POC1B: variants seen among roughly 807,000 people sequenced by gnomAD.
POC1B encodes the protein POC1 centriolar protein homolog B.
A neutral mutation model predicts 60.6 loss-of-function variants in POC1B; 44 were observed. That is an observed-to-expected ratio of 0.73 (90% CI 0.57 to 0.93). The LOEUF is 0.93. POC1B is among the 40% of genes least tolerant of loss of function. The pLI is 0.00. For synonymous variants in POC1B, 180 were observed against 198.9 expected, an observed-to-expected ratio of 0.90 and a Z score of 0.80; for missense variants, 555 against 572.3, an observed-to-expected ratio of 0.97 and a Z score of 0.31.
chr12:89,501,534 G>A (rs1258770600), intron 2 of POC1B: 2 of 1,108,018 alleles, frequency 1.8e-6, no homozygotes, highest in Non-Finnish European at 2.6e-6. Context: ...CCAAAATACA[G>A]ATGCCACCTG....
At chr12:89,477,836 G>A (rs10858871) in intron 4 of POC1B, among the ~76,000 whole-genome samples, 29,171 of 151,928 alleles carry the variant, frequency 0.19, 3,232 homozygotes, top group South Asian at 0.36. Flanking sequence ...ATCCTCCTGC[G>A]TCTTCATCTT....
chr12:89,480,595 A>ATTTTT (rs765505677), intron 4 of POC1B, among the ~76,000 whole-genome samples: 8 of 69,876 alleles, frequency 1.1e-4, no homozygotes, highest in South Asian at 5.5e-4. Flanking sequence ...TAATTTTTGT[A>ATTTTT]TTTTTTTTTT....
chr12:89,433,433 T>C (rs1010660849), intron 10 of POC1B, among the ~76,000 whole-genome samples: 4 of 152,178 alleles, frequency 2.6e-5, no homozygotes, highest in African/African-American at 9.7e-5. Context: ...CCAAGATGGC[T>C]GTCTAGTCAA....
At chr12:89,466,983 A>AT in intron 8 of POC1B, 61 bp from the exon 9 acceptor site, 1 of 1,436,912 alleles carries the variant, frequency 7.0e-7, no homozygotes, top group East Asian at 2.3e-5. Flanking sequence ...AATAGAGCTG[A>AT]TTTTAAAACC....
chr12:89,472,748 C>T (rs890528668), intron 4 of POC1B: 1 of 153,798 alleles, frequency 6.5e-6, no homozygotes, highest in African/African-American at 2.4e-5. Context: ...AATTAAGTGA[C>T]ATCACCAACA....
chr12:89,410,778 A>C, the POC1B span, among the ~76,000 whole-genome samples: 5 of 152,230 alleles, frequency 3.3e-5, no homozygotes, highest in Non-Finnish European at 5.9e-5. Context: ...CAAGGCAATC[A>C]GTCAAGAGAA....
the POC1B span, among the ~76,000 whole-genome samples, chr12:89,412,767 G>A: frequency 2.0e-5 from 3 of 151,974 alleles, 1 homozygote; most frequent in South Asian, 6.2e-4. Flanking sequence ...CCATGTCTTG[G>A]TTTCGAGTTC....
intron 4 of POC1B, among the ~76,000 whole-genome samples, chr12:89,476,015 T>G (rs1256394494): frequency 7.0e-6 from 1 of 143,518 alleles, no homozygotes; most frequent in Non-Finnish European, 1.5e-5. Context: ...CAGGTGATCA[T>G]CCCACCTTAG....
intron 4 of POC1B, among the ~76,000 whole-genome samples, chr12:89,476,821 T>A (rs936148598): frequency 6.6e-6 from 1 of 152,022 alleles, no homozygotes; most frequent in Admixed American, 6.6e-5. Flanking sequence ...CTATTTCTTA[T>A]CTTCAGAATA....
At chr12:89,475,820 C>T (rs78963456) in intron 4 of POC1B, among the ~76,000 whole-genome samples, 2,291 of 150,936 alleles carry the variant, frequency 0.015, 49 homozygotes, top group Middle Eastern at 0.048. Context: ...CATGGACATT[C>T]GAGAGTTTAA....
intron 10 of POC1B, among the ~76,000 whole-genome samples, chr12:89,442,403 T>C (rs1035244410): frequency 1.3e-5 from 2 of 152,216 alleles, no homozygotes; most frequent in African/African-American, 4.8e-5. Context: ...GAACAGCAGA[T>C]GTCTCGGCAG....
chr12:89,525,527 C>T (rs1871385665), intron 1 of POC1B: 1 of 1,298,396 alleles, frequency 7.7e-7, no homozygotes, highest in South Asian at 2.4e-5. Context: ...CAGGCAGGTG[C>T]GAGGATGCGC....
chr12:89,514,729 T>C (rs528978100), intron 2 of POC1B, among the ~76,000 whole-genome samples: 1 of 152,008 alleles, frequency 6.6e-6, no homozygotes, highest in African/African-American at 2.4e-5. Context: ...TTTATTGCAG[T>C]AGGAGAACAG....
intron 10 of POC1B, among the ~76,000 whole-genome samples, chr12:89,444,469 G>A (rs539939697): frequency 7.2e-5 from 11 of 152,188 alleles, no homozygotes; most frequent in South Asian, 2.1e-4. Flanking sequence ...ATCAATAAAC[G>A]TAATCCAGCA....
intron 11 of POC1B, among the ~76,000 whole-genome samples, chr12:89,422,924 GATC>G: frequency 6.6e-6 from 1 of 152,212 alleles, no homozygotes; most frequent in Middle Eastern, 3.4e-3. Flanking sequence ...ATTATCTATA[GATC>G]ATTACTAATG....
At chr12:89,465,831 C>G (rs737634) in intron 9 of POC1B, among the ~76,000 whole-genome samples, 74,849 of 151,866 alleles carry the variant, frequency 0.49, 18,602 homozygotes, top group East Asian at 0.58. Flanking sequence ...TAAACAAAAT[C>G]TAGAAAATAG....
intron 2 of POC1B, among the ~76,000 whole-genome samples, chr12:89,518,052 T>C (rs1403455529): frequency 1.3e-5 from 2 of 151,910 alleles, no homozygotes; most frequent in African/African-American, 2.4e-5. Flanking sequence ...AGTACCCCAA[T>C]AATTATTAAG....
chr12:89,502,360 T>G, intron 2 of POC1B: 1 of 1,610,576 alleles, frequency 6.2e-7, no homozygotes, highest in South Asian at 1.1e-5. Context: ...TTTGGAGTAC[T>G]GGCGAGGACA....
chr12:89,437,810 G>A (rs1881333642), intron 10 of POC1B, among the ~76,000 whole-genome samples: 2 of 152,020 alleles, frequency 1.3e-5, no homozygotes, highest in South Asian at 2.1e-4. Context: ...CACTTTGGGA[G>A]GCCGAGACGG....
Sources: allele counts gnomAD v4.1 joint callset (sites outside exome capture counted in the v4.1 genomes callset), GRCh38; gene constraint gnomAD v4.1.1; transcripts MANE v1.5; gene names NCBI Gene and HGNC (gene_info 2026-07-23, HGNC 2026-07-21).